The following C8orf34 variants were observed in gnomAD, a reference collection of about 807,000 sequenced individuals.
C8orf34 encodes the protein chromosome 8 open reading frame 34.
Under a neutral mutation model 68.3 loss-of-function variants are expected in C8orf34, and 65 were observed. The observed-to-expected ratio is 0.95, with a 90% CI of 0.78 to 1.17. The LOEUF is 1.17. C8orf34 is among the 50% of genes most tolerant of loss of function. The pLI is 0.00. For missense variants in C8orf34, 664 were observed against 655.4 expected (o/e 1.01, Z -0.14); for synonymous variants, 244 against 241.2 (o/e 1.01, Z -0.11).
At chr8:68,420,140 GAATT>G (rs1359451094) in intron 1 of C8orf34, among the ~76,000 whole-genome samples, 1 of 151,366 alleles carries the variant, frequency 6.6e-6, no homozygotes. Flanking sequence ...TTCCTTGAGA[GAATT>G]AACCCTTTTT....
At chr8:68,484,439 G>T (rs1287758597) in intron 4 of C8orf34, among the ~76,000 whole-genome samples, 1 of 152,118 alleles carries the variant, frequency 6.6e-6, no homozygotes, top group Non-Finnish European at 1.5e-5. Context: ...AGGACCATGT[G>T]TTCCAGTGCT....
At chr8:68,423,973 C>T (rs1810097200) in intron 1 of C8orf34, among the ~76,000 whole-genome samples, 1 of 152,154 alleles carries the variant, frequency 6.6e-6, no homozygotes, top group Admixed American at 6.5e-5. Flanking sequence ...ATCTGATTAC[C>T]TCCACCTAGT....
At chr8:68,639,504 A>G (rs1256111152) in intron 7 of C8orf34, among the ~76,000 whole-genome samples, 1 of 152,062 alleles carries the variant, frequency 6.6e-6, no homozygotes, top group Non-Finnish European at 1.5e-5. Context: ...TATGATCTTT[A>G]GTCATCAGAA....
chr8:68,613,747 T>C (rs182400764), intron 7 of C8orf34, among the ~76,000 whole-genome samples: 22,449 of 150,350 alleles, frequency 0.15, 1,833 homozygotes, highest in African/African-American at 0.21. Flanking sequence ...CTGCAATAAA[T>C]ATACATGTGC....
At chr8:68,622,932 G>T (rs1449066677) in intron 7 of C8orf34, among the ~76,000 whole-genome samples, 1 of 152,112 alleles carries the variant, frequency 6.6e-6, no homozygotes, top group Middle Eastern at 3.2e-3. Flanking sequence ...TTTGTGATGG[G>T]GTATCTGATG....
intron 3 of C8orf34, among the ~76,000 whole-genome samples, chr8:68,464,505 C>T (rs1349780957): frequency 2.0e-5 from 3 of 151,734 alleles, no homozygotes; most frequent in Non-Finnish European, 4.4e-5. Flanking sequence ...AATCCTAAGC[C>T]AAAAGAACAA....
At chr8:68,675,646 A>C (rs1054559266) in intron 8 of C8orf34, among the ~76,000 whole-genome samples, 11 of 152,286 alleles carry the variant, frequency 7.2e-5, no homozygotes, top group Middle Eastern at 3.4e-3. Flanking sequence ...CACTAAAAGG[A>C]AGACATATAG....
At position 68,367,793 on chromosome 8, in the gene C8orf34, A is replaced by C. The variant is rs1199997920; in HGVS notation, c.327+36454A>C. 2.8e-5 allele frequency among the ~76,000 whole-genome samples: 4 copies of C among 141,892 alleles called. No homozygotes were observed. The Admixed American group carries it at 2.8e-4, about 10-fold the overall frequency. 93.1% of individuals were successfully genotyped at this position (141,892 alleles called of 152,430 possible). On this transcript the variant is annotated intron_variant, in intron 1 of 13. Coordinates refer to ENST00000518698, the MANE Select transcript of C8orf34 (RefSeq NM_052958.4). ...ATGGATAGCATTGGGAGATATACCTAATGCTAGATGACGAGTTAGTGGGTG... is the reference window on the plus strand; with the variant it reads ...ATGGATAGCATTGGGAGATATACCTCATGCTAGATGACGAGTTAGTGGGTG...
intron 12 of C8orf34, among the ~76,000 whole-genome samples, chr8:68,801,514 A>C (rs112411511): frequency 4.1e-4 from 62 of 152,280 alleles, no homozygotes; most frequent in African/African-American, 1.5e-3. Flanking sequence ...TAAGGTAATA[A>C]GTTTTCCTTG....
intron 8 of C8orf34, among the ~76,000 whole-genome samples, chr8:68,684,151 A>G (rs1163183324): frequency 6.6e-6 from 1 of 152,030 alleles, no homozygotes; most frequent in African/African-American, 2.4e-5. Context: ...CACCAACTGG[A>G]CCCTGTTTAT....
intron 1 of C8orf34, among the ~76,000 whole-genome samples, chr8:68,420,883 A>T (rs1338453333): frequency 6.6e-6 from 1 of 152,138 alleles, no homozygotes; most frequent in East Asian, 1.9e-4. Flanking sequence ...TGGAAAAAAA[A>T]AAAAGAATAG....
intron 7 of C8orf34, among the ~76,000 whole-genome samples, chr8:68,608,085 A>G (rs1469840185): frequency 6.6e-6 from 1 of 151,668 alleles, no homozygotes; most frequent in Non-Finnish European, 1.5e-5. Flanking sequence ...ACAAGCTTTT[A>G]CTGTGTGCTG....
Position 68,393,380 on chromosome 8 carries a change from T to A in C8orf34, c.328-46119T>A, listed in dbSNP as rs79743494. 1.6e-3 allele frequency among the ~76,000 whole-genome samples: 237 copies of A among 152,198 alleles called. 1 individual carries two copies. Among genetic ancestry groups the A allele is most frequent in the African/African-American group, 5.5e-3 (227 of 41,556 alleles). On this transcript the variant is annotated intron_variant, in intron 1 of 13. Coordinates refer to ENST00000518698, the MANE Select transcript of C8orf34 (RefSeq NM_052958.4). ...TGTGAAGCAAAAAAAATAGAGGACA[T>A]TCCATAATTTTGGTAGAACAAAGCA...
chr8:68,712,767 C>T (rs1821361631), intron 9 of C8orf34, among the ~76,000 whole-genome samples: 1 of 152,098 alleles, frequency 6.6e-6, no homozygotes, highest in African/African-American at 2.4e-5. Flanking sequence ...ACCCCACTGA[C>T]AGCACTAGAC....
At chr8:68,749,961 T>A (rs1467040299) in intron 10 of C8orf34, among the ~76,000 whole-genome samples, 8 of 152,182 alleles carry the variant, frequency 5.3e-5, no homozygotes. Flanking sequence ...TCTGTGGACA[T>A]GTTTTTGTTT....
intron 10 of C8orf34, among the ~76,000 whole-genome samples, chr8:68,757,669 A>T (rs1822905865): frequency 6.6e-6 from 1 of 152,148 alleles, no homozygotes; most frequent in South Asian, 2.1e-4. Context: ...AATGTTGCTT[A>T]TAGGGAATAT....
rs148389840 is a variant in C8orf34, at chr8:68,733,242, C to A, written c.1404+11805C>A. 5.7e-3 allele frequency among the ~76,000 whole-genome samples: 873 copies of A among 152,092 alleles called. 8 individuals are homozygous for A. The highest frequency in any genetic ancestry group is 0.02 in the African/African-American group (826 of 41,432). ...ACAAACATCCCATTTTGTTTGCAAG[C>A]AGATTGTAATTATTAACCAACTTAT... On this transcript the variant is annotated intron_variant, in intron 10 of 13. Coordinates refer to ENST00000518698, the MANE Select transcript of C8orf34 (RefSeq NM_052958.4).
chr8:68,418,331 G>A (rs922603121), intron 1 of C8orf34, among the ~76,000 whole-genome samples: 1 of 151,110 alleles, frequency 6.6e-6, no homozygotes, highest in African/African-American at 2.4e-5. Context: ...CCAACACTAT[G>A]TTGAATAGGA....
At chr8:68,469,974 A>G (rs1018213862) in intron 4 of C8orf34, among the ~76,000 whole-genome samples, 2 of 150,872 alleles carry the variant, frequency 1.3e-5, no homozygotes, top group Non-Finnish European at 3.0e-5. Context: ...GTACAGCTTT[A>G]GTTTTTTCAC....
Sources: gnomAD v4.1 joint callset for allele counts (sites outside exome capture counted in the v4.1 genomes callset) on GRCh38, gnomAD v4.1.1 for gene constraint, MANE v1.5 for transcripts, NCBI Gene and HGNC (gene_info 2026-07-23, HGNC 2026-07-21) for gene names.